Variants in CUBN observed in about 807,000 individuals in gnomAD.
CUBN encodes cubilin.
CUBN carries 282 observed loss-of-function variants against 405.3 expected under a neutral mutation model. The observed-to-expected ratio is 0.70, with a 90% CI of 0.63 to 0.77. The LOEUF (loss-of-function observed/expected upper bound fraction) is 0.77. Ranked by LOEUF, CUBN falls within the 30% of genes least tolerant of loss-of-function variation. The probability of loss-of-function intolerance (pLI) is 0.00; values close to 1 mark genes in which losing one functional copy is unlikely to be tolerated. For missense variants in CUBN, 4,514 were observed against 4,475.2 expected, an observed-to-expected ratio of 1.01 and a Z score of -0.25; for synonymous variants, 1,684 against 1,617.0, an observed-to-expected ratio of 1.04 and a Z score of -0.99.
At chr10:17,054,316 A>C (rs1486292526) in intron 22 of CUBN, among the ~76,000 whole-genome samples, 5 of 129,882 alleles carry the variant, frequency 3.8e-5, no homozygotes, top group South Asian at 5.9e-4. Context: ...GGGCAACGAG[A>C]GTGAAACTCC....
chr10:16,972,335 A>G (rs1832959284), intron 31 of CUBN, among the ~76,000 whole-genome samples: 2 of 152,186 alleles, frequency 1.3e-5, no homozygotes, highest in African/African-American at 4.8e-5. Flanking sequence ...TCCTATCCCA[A>G]GCTCTGAACT....
intron 38 of CUBN, 123 bp from the exon 39 acceptor site, chr10:16,937,907 A>G: frequency 1.2e-6 from 1 of 833,544 alleles, no homozygotes; most frequent in South Asian, 1.6e-5. Flanking sequence ...ACAAATGAGT[A>G]AACATTTAAT....
Position 16,982,471 on chromosome 10 carries a change from T to G in CUBN, c.4695+13A>C. On this transcript the variant is annotated intron_variant, in intron 31 of 66. Transcript: ENST00000377833. ...TTTGACTGGAGACAATGCTTGAAAT[T>G]TATGTCACTTACCATAATACAAGAG... 6.2e-7 allele frequency: 1 copy of G among 1,610,038 alleles called. No homozygotes were observed. Among genetic ancestry groups the G allele is most frequent in the Non-Finnish European group, 8.5e-7 (1 of 1,176,496 alleles).
At chr10:17,115,377 C>T (rs562930470) in intron 7 of CUBN, 94 bp downstream of exon 7, 2 of 1,528,764 alleles carry the variant, frequency 1.3e-6, no homozygotes, top group East Asian at 2.3e-5. Context: ...CCTCTGTAAG[C>T]TCCAGGTAGT....
At chr10:17,097,415 TC>T (rs1836399258) in intron 14 of CUBN, among the ~76,000 whole-genome samples, 1 of 152,092 alleles carries the variant, frequency 6.6e-6, no homozygotes. Context: ...TTTAAAGCCT[TC>T]TCACAAGGAA....
At chr10:16,885,345 G>T (rs1199844663) in intron 56 of CUBN, among the ~76,000 whole-genome samples, 1 of 152,158 alleles carries the variant, frequency 6.6e-6, no homozygotes, top group Non-Finnish European at 1.5e-5. Flanking sequence ...AAAAGAATCA[G>T]TCTTCAACTG....
At chr10:16,834,426 C>A (rs1056590816) in intron 64 of CUBN, among the ~76,000 whole-genome samples, 2 of 152,052 alleles carry the variant, frequency 1.3e-5, no homozygotes, top group African/African-American at 4.8e-5. Flanking sequence ...GGACGATGGG[C>A]AAACAGTGAA....
At chr10:16,983,353 T>A (rs182658333) in intron 30 of CUBN, among the ~76,000 whole-genome samples, 1 of 152,156 alleles carries the variant, frequency 6.6e-6, no homozygotes, top group Non-Finnish European at 1.5e-5. Context: ...TTGGTTATGA[T>A]AGAGTTGAAG....
chr10:16,836,782 T>C (rs1839182364), intron 62 of CUBN, among the ~76,000 whole-genome samples: 1 of 152,162 alleles, frequency 6.6e-6, no homozygotes, highest in Non-Finnish European at 1.5e-5. Flanking sequence ...ATCACCCTGA[T>C]CCAGCCCTTG....
intron 63 of CUBN, among the ~76,000 whole-genome samples, 191 bp downstream of exon 63, chr10:16,836,044 T>A (rs1839158207): frequency 6.6e-6 from 1 of 152,238 alleles, no homozygotes; most frequent in South Asian, 2.1e-4. Flanking sequence ...TATATTCTCT[T>A]TATCTCTTTA....
chr10:16,939,893 T>C, intron 37 of CUBN, 139 bp downstream of exon 37: 1 of 825,788 alleles, frequency 1.2e-6, no homozygotes, highest in Non-Finnish European at 2.0e-6. Flanking sequence ...TAATATGTTA[T>C]AAGGTAATTC....
In CUBN at chr10:17,122,429, G is replaced by T. The variant is rs551993342; in HGVS notation, c.593+366C>A. 3 of 369,156 alleles carry T rather than the reference G, an allele frequency of 8.1e-6. No homozygotes were observed. In the East Asian group the frequency reaches 2.3e-4, roughly 28 times the overall value. 22.9% of individuals were successfully genotyped at this position (369,156 alleles called of 1,614,324 possible). A position where few individuals can be genotyped will look rare whatever the true frequency, so the allele number is the denominator to read the frequency against. ...ACAGCTGGGGACACTGGTGTGGTGGGGTGTCCCCTTTTCTACTTAAGGCCA... is the reference window on the plus strand; with the variant it reads ...ACAGCTGGGGACACTGGTGTGGTGGTGTGTCCCCTTTTCTACTTAAGGCCA... On this transcript the variant is annotated intron_variant, in intron 6 of 66. Transcript: ENST00000377833.
intron 27 of CUBN, among the ~76,000 whole-genome samples, chr10:17,038,650 G>T (rs934827587): frequency 6.6e-6 from 1 of 152,162 alleles, no homozygotes; most frequent in African/African-American, 2.4e-5. Context: ...AAACCCAGAA[G>T]CGATTAAAAT....
intron 31 of CUBN, among the ~76,000 whole-genome samples, chr10:16,978,295 G>C (rs1423246247): frequency 6.6e-6 from 1 of 152,168 alleles, no homozygotes; most frequent in Non-Finnish European, 1.5e-5. Context: ...CCCAAAGACT[G>C]GACTCACACC....
rs1841608482 is a variant in CUBN at position 16,908,096 on chromosome 10, G to T, written c.7534-417C>A. Among the ~76,000 whole-genome samples the T allele has an allele frequency of 2.0e-5, 3 of 152,040 alleles. No individual in the cohort carries two copies. The South Asian group carries it at 6.2e-4, about 32-fold the overall frequency. ...GGAAGCTTAAATATCAGTTTCTGAT[G>T]ATTTCATGTACATAATAAAGCAGAT... is the stretch of plus-strand genomic sequence containing the variant. On this transcript the variant is annotated intron_variant, in intron 48 of 66. Transcript: ENST00000377833.
At position 17,084,316 on chromosome 10, in the gene CUBN, G is replaced by A. The variant is rs140150973; in HGVS notation, c.2256C>T (p.His752=). The A allele has an allele frequency of 2.7e-5, 43 of 1,614,000 alleles. No individual in the cohort carries two copies. The highest frequency in any genetic ancestry group is 1.2e-4 in the African/African-American group (9 of 74,906). ...TGTCACTCTGGCATTGCAGCTCCAC[G>A]TGGGTGAAGTTGATTTGTATTTGTT... ...QGEQIQINFT[H]VELQCQSDSS... Residue 752 remains histidine, a synonymous_variant, in exon 17 of 67, where the codon CAC becomes CAT. Coordinates refer to ENST00000377833, the MANE Select transcript of CUBN (RefSeq NM_001081.4).
chr10:16,927,597 A>G (rs1010582949), intron 41 of CUBN, among the ~76,000 whole-genome samples: 6 of 152,188 alleles, frequency 3.9e-5, no homozygotes, highest in African/African-American at 1.4e-4. Flanking sequence ...CCTTTCAGTT[A>G]GTTTGGATTT....
At chr10:16,980,304 C>T (rs1402550292) in intron 31 of CUBN, among the ~76,000 whole-genome samples, 6 of 152,108 alleles carry the variant, frequency 3.9e-5, no homozygotes, top group South Asian at 2.1e-4. Flanking sequence ...GGATCTAGAA[C>T]CAGTAATACC....
chr10:16,909,743 C>T (rs1269534303), intron 48 of CUBN, among the ~76,000 whole-genome samples: 1 of 152,194 alleles, frequency 6.6e-6, no homozygotes, highest in Non-Finnish European at 1.5e-5. Flanking sequence ...CATCATTGTC[C>T]TCTAATCCCT....
Sources: gnomAD v4.1 joint callset for allele counts (sites outside exome capture counted in the v4.1 genomes callset) on GRCh38, gnomAD v4.1.1 for gene constraint, MANE v1.5 for transcripts, NCBI Gene and HGNC (gene_info 2026-07-23, HGNC 2026-07-21) for gene names.